The following MUC4 variants were observed in gnomAD, a reference collection of about 807,000 sequenced individuals.
MUC4 encodes mucin-4.
In MUC4, 202 loss-of-function variants were observed where a neutral mutation model predicts 257.9. That is an observed-to-expected ratio of 0.78 (90% CI 0.70 to 0.88). MUC4 has a LOEUF of 0.88. MUC4 is among the 40% of genes least tolerant of loss of function. MUC4 has a pLI of 0.00. For missense variants in MUC4, 5,976 were observed against 6,513.7 expected (o/e 0.92, Z 2.84); for synonymous variants, 2,351 against 2,757.1 (o/e 0.85, Z 4.62).
chr3:195,747,248 CACGAACG>C lies in MUC4; in HGVS notation c.16160_16166del (p.Thr5387ArgfsTer17). On this transcript the variant is annotated frameshift_variant, in exon 25 of 25. Transcript: ENST00000463781. LOFTEE classifies it low-confidence loss of function (END_TRUNC). ...CGGAGCAACCCCAGAAGCGCAGGAC[CACGAACG>C]TCCCGACCCCCAGCAGCAAGAGGCC... 6.2e-7 allele frequency: 1 copy of C among 1,614,264 alleles called. No homozygotes were observed. Among genetic ancestry groups the C allele is most frequent in the South Asian group, 1.1e-5 (1 of 91,088 alleles).
In MUC4 at chr3:195,789,631, T is replaced by G. The variant is rs775528826; in HGVS notation, c.1949A>C (p.Gln650Pro). 5.8e-5 allele frequency: 93 copies of G among 1,613,792 alleles called. No individual in the cohort carries two copies. Among genetic ancestry groups the G allele is most frequent in the Non-Finnish European group, 7.6e-5 (90 of 1,179,870 alleles). Residue 650 changes from glutamine (Q) to proline (P), a missense_variant, in exon 2 of 25, where the codon CAA (glutamine) becomes CCA (proline). This residue lies in a region of MUC4 where 1,583 missense variants were observed against 1,257.4 expected (regional missense o/e 1.26). Transcript: ENST00000463781. ...TQAPQTTQESQTTRSVSPMTD... is the reference protein window; with the variant it reads ...TQAPQTTQESPTTRSVSPMTD... Reference sequence around the variant, plus strand: ...CATGGGGGAGACGGACCTCGTGGTTTGTGATTCTTGTGTGGTCTGCGGGGC... The same window carrying G: ...CATGGGGGAGACGGACCTCGTGGTTGGTGATTCTTGTGTGGTCTGCGGGGC...
chr3:195,767,919 C>CCA (rs1721906505), intron 7 of MUC4, among the ~76,000 whole-genome samples: 2 of 132,116 alleles, frequency 1.5e-5, no homozygotes, highest in African/African-American at 7.3e-5. Context: ...ACCATCGCCA[C>CCA]TGCCACCTCC....
rs1228741258 is a variant in MUC4 at position 195,778,935 on chromosome 3, G to C, written c.12645C>G (p.Ser4215=). 7 of 1,513,268 alleles carry C rather than the reference G, an allele frequency of 4.6e-6. No homozygotes were observed. The highest frequency in any genetic ancestry group is 1.4e-5 in the African/African-American group (1 of 70,814). The allele number at this position is 1,513,268 out of a possible 1,614,324, so 93.7% of individuals were successfully genotyped here. A position where few individuals can be genotyped will look rare whatever the true frequency, so the allele number is the denominator to read the frequency against. ...GGGTGGCGTGACCTGTGGATGCTGA[G>C]GAAGTGTCGGTGACAGGAAGAGGGG... ...HATPLPVTDT[S]SASTGHATPL... The change falls in exon 2 of 25, where the codon TCC becomes TCG. Residue 4215 remains serine, a synonymous_variant. Transcript: ENST00000463781.
chr3:195,751,321 G>T (rs1156864354), intron 21 of MUC4, 50 bp from the exon 22 acceptor site: 2 of 1,399,966 alleles, frequency 1.4e-6, no homozygotes, highest in East Asian at 2.4e-5. Flanking sequence ...CCATCCGGGG[G>T]GGAGACGCCC....
intron 4 of MUC4, among the ~76,000 whole-genome samples, chr3:195,773,231 T>A (rs1304057850): frequency 8.2e-6 from 1 of 122,202 alleles, no homozygotes; most frequent in Non-Finnish European, 1.7e-5. Context: ...TCTCTATCAC[T>A]CAGCAGGTGT....
At chr3:195,762,345 C>A in intron 13 of MUC4, 91 bp from the exon 14 acceptor site, 1 of 1,371,502 alleles carries the variant, frequency 7.3e-7, no homozygotes, top group Non-Finnish European at 9.8e-7. Flanking sequence ...CCACCCCCAC[C>A]CCGCCCCTGG....
Position 195,778,857 on chromosome 3 carries a change from A to G in MUC4, c.12723T>C (p.Leu4241=), listed in dbSNP as rs747401936. The G allele has an allele frequency of 1.2e-6, 2 of 1,610,846 alleles. No individual in the cohort carries two copies. The highest frequency in any genetic ancestry group is 1.7e-5 in the Admixed American group (1 of 59,698). Residue 4241 remains leucine (L), a synonymous_variant, in exon 2 of 25, where the codon CTT becomes CTC. Coordinates refer to ENST00000463781, the MANE Select transcript of MUC4 (RefSeq NM_018406.7). ...AAGCTGAGGTAGCACTGCTGACAGCAAGAGGGGTGGCGTGACCTGTGGATA... is the reference window on the plus strand; with the variant it reads ...AAGCTGAGGTAGCACTGCTGACAGCGAGAGGGGTGGCGTGACCTGTGGATA... ...SSVSTGHATP[L]AVSSATSAST...
chr3:195,774,338 A>G (rs778088481), intron 3 of MUC4, 33 bp from the exon 4 acceptor site: 5 of 1,494,398 alleles, frequency 3.3e-6, no homozygotes, highest in South Asian at 2.7e-5. Flanking sequence ...AGGAAGTCCA[A>G]GTGGGCCTGG....
chr3:195,748,721 T>G (rs1480594302), intron 24 of MUC4, among the ~76,000 whole-genome samples, 181 bp downstream of exon 24: 1 of 152,282 alleles, frequency 6.6e-6, no homozygotes, highest in Non-Finnish European at 1.5e-5. Flanking sequence ...TTTCAGAGTT[T>G]GTAATATAGC....
rs769083426 is a variant in MUC4 at position 195,790,985 on chromosome 3, A to T, written c.595T>A (p.Trp199Arg). 6.2e-7 allele frequency: 1 copy of T among 1,613,512 alleles called. No individual in the cohort carries two copies. The highest frequency in any genetic ancestry group is 8.5e-7 in the Non-Finnish European group (1 of 1,179,770). The change falls in exon 2 of 25, where the codon TGG (tryptophan) becomes AGG (arginine). Residue 199 changes from tryptophan to arginine, a missense_variant. Physicochemically the swap from Trp to Arg is moderately radical, Grantham distance 101. Coordinates refer to ENST00000463781, the MANE Select transcript of MUC4 (RefSeq NM_018406.7). ...CTGGTGGTCTGCGTGCTCCGAGTCC[A>T]GTGGTTCTGAGAAGAAGCTGATGTG... ...QDTSASSQNH[W>R]TRSTQTTRES...
rs368906290 is a variant in MUC4, at chr3:195,788,983, G to T, written c.2597C>A (p.Ser866Ter). Reference protein sequence around the residue: ...AIPVSTGMASSIVPGTFHPTL... With the variant: ...AIPVSTGMAS The stretch of plus-strand genomic sequence containing the variant: ...GGGATGAAAGGTGCCGGGGACGATC[G>T]AAGACGCCATTCCTGTGCTTACTGG... Residue 866 changes from serine to a stop codon, truncating the protein, a stop_gained, in exon 2 of 25, where the codon TCG (serine) becomes TAG (stop). Coordinates refer to ENST00000463781, the MANE Select transcript of MUC4 (RefSeq NM_018406.7). LOFTEE classifies it high-confidence loss of function. The T allele has an allele frequency of 6.2e-7, 1 of 1,613,630 alleles. No individual in the cohort carries two copies. Among genetic ancestry groups the T allele is most frequent in the African/African-American group, 1.3e-5 (1 of 74,864 alleles).
rs200956509 is a variant in MUC4 at position 195,788,597 on chromosome 3, C to G, written c.2983G>C (p.Val995Leu). Residue 995 changes from valine to leucine, a missense_variant, in exon 2 of 25, where the codon GTC becomes CTC. Physicochemically the swap from Val to Leu is conservative, Grantham distance 32 (BLOSUM62 1). Transcript: ENST00000463781. Reference protein sequence around the residue: ...ASTGHTTPLHVTDASSVSTGH... With the variant: ...ASTGHTTPLHLTDASSVSTGH... ...GTGGATACTGAGGAAGCATCGGTGA[C>G]ATGAAGAGGGGTGGTGTGACCTGTG... is the stretch of plus-strand genomic sequence containing the variant. 58 of 1,578,998 alleles carry G rather than the reference C, an allele frequency of 3.7e-5. No homozygotes were observed. The highest frequency in any genetic ancestry group is 1.7e-4 in the Middle Eastern group (1 of 5,942).
In MUC4 at chr3:195,786,643, G is replaced by C. The variant is rs754732982; in HGVS notation, c.4937C>G (p.Ala1646Gly). ...TNASSLSTGHATPLHVTSPSS... is the reference protein window; with the variant it reads ...TNASSLSTGHGTPLHVTSPSS... ...AGGGCTGGTGACATGAAGAGGGGTG[G>C]CGTGACCTGTGGATAATGAGGAAGC... is the stretch of plus-strand genomic sequence containing the variant. The change falls in exon 2 of 25, where the codon GCC (alanine) becomes GGC (glycine). Residue 1646 changes from alanine to glycine, a missense_variant. This residue lies in a region of MUC4 where 61 missense variants were observed against 100.2 expected (regional missense o/e 0.61). Coordinates refer to ENST00000463781, the MANE Select transcript of MUC4 (RefSeq NM_018406.7). The C allele has an allele frequency of 6.2e-5, 95 of 1,527,478 alleles. 2 individuals are homozygous for C. The African/African-American group carries it at 9.4e-4, about 15-fold the overall frequency. The allele number at this position is 1,527,478 out of a possible 1,614,324, so 94.6% of individuals were successfully genotyped here. A position where few individuals can be genotyped will look rare whatever the true frequency, so the allele number is the denominator to read the frequency against.
chr3:195,811,042 G>C (rs957020287), intron 1 of MUC4, among the ~76,000 whole-genome samples: 1 of 151,626 alleles, frequency 6.6e-6, no homozygotes, highest in Non-Finnish European at 1.5e-5. Context: ...TCTCTCTTTC[G>C]AGCATTCTCC....
rs764150736 is a variant in MUC4 at position 195,782,141 on chromosome 3, T to C, written c.9439A>G (p.Thr3147Ala). The C allele has an allele frequency of 1.1e-4, 155 of 1,354,490 alleles. No individual in the cohort carries two copies. Among genetic ancestry groups the C allele is most frequent in the Non-Finnish European group, 1.5e-4 (150 of 1,033,012 alleles). The allele number at this position is 1,354,490 out of a possible 1,614,324, so 83.9% of individuals were successfully genotyped here. The change falls in exon 2 of 25, where the codon ACA becomes GCA. Residue 3147 changes from threonine (T) to alanine (A), a missense_variant. Transcript: ENST00000463781. ...ACAGGAAGAGGGGTGGTGTCACCTG[T>C]GGATGCTGAGGAAGTGCTGGTGACA... ...LPVTSTSSAS[T>A]GDTTPLPVTD... is the part of the protein sequence containing the mutation.
intron 7 of MUC4, among the ~76,000 whole-genome samples, chr3:195,767,625 C>T (rs1721282626): frequency 4.0e-5 from 4 of 101,054 alleles, no homozygotes; most frequent in Non-Finnish European, 4.5e-5. Context: ...CCACCATCAC[C>T]ACCATCACCA....
chr3:195,803,845 T>TCTTTGGGGGA (rs1735656727), intron 1 of MUC4, among the ~76,000 whole-genome samples: 1 of 151,878 alleles, frequency 6.6e-6, no homozygotes, highest in East Asian at 1.9e-4. Flanking sequence ...GATGGAGAAA[T>TCTTTGGGGGA]GGTCACTGAC....
chr3:195,769,230 C>T, intron 6 of MUC4, 78 bp from the exon 7 acceptor site: 2 of 1,558,074 alleles, frequency 1.3e-6, no homozygotes, highest in Non-Finnish European at 1.7e-6. Flanking sequence ...CCCGCCCGTC[C>T]CACAGCCCTG....
In MUC4 at chr3:195,789,009, G is replaced by A. The variant is rs1437109220; in HGVS notation, c.2571C>T (p.Ile857=). The A allele has an allele frequency of 6.2e-7, 1 of 1,613,874 alleles. No individual in the cohort carries two copies. Among genetic ancestry groups the A allele is most frequent in the Non-Finnish European group, 8.5e-7 (1 of 1,179,852 alleles). The change falls in exon 2 of 25, where the codon ATC becomes ATT. Residue 857 remains isoleucine, a synonymous_variant. Coordinates refer to ENST00000463781, the MANE Select transcript of MUC4 (RefSeq NM_018406.7). ...AAGACGCCATTCCTGTGCTTACTGG[G>A]ATGGCACCATGACTGGCTGAGGCGG... ...LLSASASHGA[I]PVSTGMASSI...
Sources: allele counts gnomAD v4.1 joint callset (sites outside exome capture counted in the v4.1 genomes callset), GRCh38; gene constraint gnomAD v4.1.1; regional missense constraint gnomAD v4.1.1; transcripts MANE v1.5; gene names NCBI Gene and HGNC (gene_info 2026-07-23, HGNC 2026-07-21).